SNX25: variants seen among roughly 807,000 people sequenced by gnomAD.
The protein encoded by SNX25 is sorting nexin-25.
In SNX25, 62 loss-of-function variants were observed where a neutral mutation model predicts 113.7. That is an observed-to-expected ratio of 0.55 (90% CI 0.44 to 0.67). The LOEUF (loss-of-function observed/expected upper bound fraction) is 0.67, where lower values mean the gene tolerates loss of function less well. SNX25 is among the 30% of genes least tolerant of loss of function. The pLI, the probability that SNX25 is intolerant of heterozygous loss-of-function variation, is 0.00. For synonymous variants in SNX25, 421 were observed against 436.2 expected (o/e 0.97, Z 0.43); for missense variants, 1,014 against 1,161.0 (o/e 0.87, Z 1.84).
chr4:185,289,540 G>A (rs1255455894), intron 6 of SNX25, among the ~76,000 whole-genome samples: 2 of 152,134 alleles, frequency 1.3e-5, no homozygotes, highest in Non-Finnish European at 2.9e-5. Context: ...TCAGAGAGGC[G>A]GCAGGGAACC....
At chr4:185,351,696 C>G in intron 14 of SNX25, 87 bp downstream of exon 14, 1 of 1,388,780 alleles carries the variant, frequency 7.2e-7, no homozygotes, top group Non-Finnish European at 9.8e-7. Flanking sequence ...GCAAATCCCT[C>G]TATTTTCAGT....
chr4:185,341,955 G>A (rs771742738), intron 11 of SNX25, 21 bp from the exon 12 acceptor site: 51 of 1,560,810 alleles, frequency 3.3e-5, no homozygotes, highest in African/African-American at 4.1e-5. Context: ...TGTAAGTATC[G>A]ATTTTGATGT....
chr4:185,353,400 G>C (rs1467295626), intron 14 of SNX25, 85 bp from the exon 15 acceptor site: 5 of 987,350 alleles, frequency 5.1e-6, no homozygotes, highest in Non-Finnish European at 6.3e-6. Flanking sequence ...CAGATAGTTT[G>C]GAATTTACAC....
intron 1 of SNX25, among the ~76,000 whole-genome samples, chr4:185,224,650 T>A (rs1392992049): frequency 6.8e-6 from 1 of 146,944 alleles, no homozygotes; most frequent in East Asian, 1.9e-4. Context: ...GATATAAAAA[T>A]ATATATAAGT....
At chr4:185,303,402 G>A (rs1753985399) in intron 6 of SNX25, among the ~76,000 whole-genome samples, 1 of 152,294 alleles carries the variant, frequency 6.6e-6, no homozygotes, top group African/African-American at 2.4e-5. Context: ...GCTCACGCCT[G>A]TAATCCCAGC....
chr4:185,219,574 A>G (rs965986462), intron 1 of SNX25, among the ~76,000 whole-genome samples: 31 of 152,296 alleles, frequency 2.0e-4, no homozygotes, highest in African/African-American at 7.0e-4. Context: ...AAACAAAAAA[A>G]GAAAAAAGAA....
chr4:185,343,157 C>G (rs1177363218), intron 12 of SNX25, among the ~76,000 whole-genome samples: 1 of 152,190 alleles, frequency 6.6e-6, no homozygotes, highest in Admixed American at 6.5e-5. Context: ...TTACAAAGAG[C>G]TAGGATTATA....
At chr4:185,339,245 TG>T (rs2126719824) in intron 10 of SNX25, 133 bp from the exon 11 acceptor site, 1 of 709,976 alleles carries the variant, frequency 1.4e-6, no homozygotes, top group African/African-American at 1.8e-5. Flanking sequence ...TTCTTAATTT[TG>T]TTTTTGGATT....
At chr4:185,335,214 G>T (rs1375210405) in intron 10 of SNX25, among the ~76,000 whole-genome samples, 3 of 151,608 alleles carry the variant, frequency 2.0e-5, no homozygotes, top group African/African-American at 7.3e-5. Context: ...CAGCTACTCG[G>T]GAGGCTGAGA....
intron 6 of SNX25, among the ~76,000 whole-genome samples, chr4:185,310,216 T>A (rs1042863273): frequency 6.6e-6 from 1 of 152,214 alleles, no homozygotes; most frequent in Non-Finnish European, 1.5e-5. Context: ...TGCTAGACTC[T>A]TAAAAGTCCA....
At chr4:185,235,603 G>A (rs1365265694) in intron 1 of SNX25, among the ~76,000 whole-genome samples, 6 of 152,180 alleles carry the variant, frequency 3.9e-5, no homozygotes, top group African/African-American at 1.4e-4. Context: ...TAGAAGACTC[G>A]CCTTTTGGCC....
chr4:185,372,837 A>G, downstream of SNX25: 1 of 1,570,586 alleles, frequency 6.4e-7, no homozygotes, highest in Admixed American at 1.7e-5. Context: ...AGCAGCACAG[A>G]ACAGACAAAG....
chr4:185,260,967 C>T (rs535110551), intron 3 of SNX25, among the ~76,000 whole-genome samples: 2 of 152,286 alleles, frequency 1.3e-5, no homozygotes, highest in East Asian at 3.9e-4. Context: ...TGCTAATTTG[C>T]TGTGCTATCC....
At chr4:185,346,470 T>C in intron 12 of SNX25, 67 bp from the exon 13 acceptor site, 1 of 1,090,394 alleles carries the variant, frequency 9.2e-7, no homozygotes. Flanking sequence ...CTAATTGTTA[T>C]TCTAAATCTT....
At chr4:185,374,418 C>A (rs1455537600), downstream of SNX25, 1 of 1,614,064 alleles carries the variant, frequency 6.2e-7, no homozygotes, top group Admixed American at 1.7e-5. Flanking sequence ...TGCTTTGGGA[C>A]ATGGAGAATC....
intron 16 of SNX25, among the ~76,000 whole-genome samples, chr4:185,359,469 CTT>C (rs2095352616): frequency 6.6e-6 from 1 of 152,030 alleles, no homozygotes; most frequent in Non-Finnish European, 1.5e-5. Flanking sequence ...AAACAAATCT[CTT>C]TTGTATTGAC....
At chr4:185,315,756 C>G (rs1561003641) in intron 7 of SNX25, among the ~76,000 whole-genome samples, 1 of 152,184 alleles carries the variant, frequency 6.6e-6, no homozygotes, top group Non-Finnish European at 1.5e-5. Flanking sequence ...TGGTGTCTCT[C>G]ATGACCCTGG....
At chr4:185,320,944 C>G in intron 8 of SNX25, 80 bp downstream of exon 8, 1 of 1,294,708 alleles carries the variant, frequency 7.7e-7, no homozygotes, top group Non-Finnish European at 1.0e-6. Flanking sequence ...CTGTTTTTCT[C>G]AAGATAAGTA....
chr4:185,354,571 C>G lies in SNX25; in HGVS notation c.2584+969C>G, dbSNP rs551066363. Among the ~76,000 whole-genome samples the G allele has an allele frequency of 3.3e-5, 5 of 152,298 alleles. No homozygotes were observed. In the East Asian group the frequency reaches 5.8e-4, roughly 18 times the overall value. On this transcript the variant is annotated intron_variant, in intron 15 of 18. Coordinates refer to ENST00000652585, the MANE Select transcript of SNX25 (RefSeq NM_001378034.2). ...ACAGTAATGCTGGAGTTGAGAAATC[C>G]TACCCTAGTGAATCCTCAAGGAGAG...
Sources: allele counts gnomAD v4.1 joint callset (sites outside exome capture counted in the v4.1 genomes callset), GRCh38; gene constraint gnomAD v4.1.1; transcripts MANE v1.5; gene names NCBI Gene and HGNC (gene_info 2026-07-23, HGNC 2026-07-21).